CUL3: variants seen among roughly 807,000 people sequenced by gnomAD.
The protein encoded by CUL3 is cullin-3.
A neutral mutation model predicts 89.1 loss-of-function variants in CUL3; 19 were observed. That is an observed-to-expected ratio of 0.21 (90% confidence interval 0.15 to 0.31). The LOEUF is 0.31. Among genes scored for constraint, CUL3 ranks in the 10% least tolerant of loss-of-function variants. The probability of loss-of-function intolerance (pLI) is 1.00; values close to 1 mark genes in which losing one functional copy is unlikely to be tolerated. For synonymous variants in CUL3, 351 were observed against 308.4 expected (o/e 1.14, Z -1.45); for missense variants, 469 against 942.3 (o/e 0.50, Z 6.58).
chr2:224,569,414 A>G (rs1169309967), intron 1 of CUL3, among the ~76,000 whole-genome samples: 4 of 152,220 alleles, frequency 2.6e-5, no homozygotes, highest in Non-Finnish European at 4.4e-5. Context: ...AAGGAAAAAT[A>G]TAATTAAGGA....
chr2:224,555,976 C>T (rs1458841595), intron 2 of CUL3, among the ~76,000 whole-genome samples: 2 of 152,142 alleles, frequency 1.3e-5, no homozygotes, highest in Non-Finnish European at 2.9e-5. Flanking sequence ...TCTTTGCATC[C>T]ACTACATTAT....
rs375118292 is a variant in CUL3 at position 224,506,080 on chromosome 2, T to C, written c.1082A>G (p.Asn361Ser). The C allele has an allele frequency of 8.1e-6, 13 of 1,612,668 alleles. 1 individual carries two copies. Among genetic ancestry groups the C allele is most frequent in the South Asian group, 5.5e-5 (5 of 90,750 alleles). ...RFDRFLLESF[N>S]NDRLFKQTIA... ...AGTTTGTTTAAAGAGACGGTCATTG[T>C]TGAATGATTCCAGGAGGAAGCGATC... The change falls in exon 8 of 16, where the codon AAC (asparagine) becomes AGC (serine). Residue 361 changes from asparagine to serine, a missense_variant. By Grantham distance (46) the Asn-to-Ser change is conservative. Around this residue, in one of 4 missense-constraint regions of CUL3, gnomAD observed 370 missense variants for 733.2 expected, o/e 0.50. Coordinates refer to ENST00000264414, the MANE Select transcript of CUL3 (RefSeq NM_003590.5).
chr2:224,538,919 C>T (rs1339862912), intron 2 of CUL3, among the ~76,000 whole-genome samples: 1 of 152,132 alleles, frequency 6.6e-6, no homozygotes, highest in Non-Finnish European at 1.5e-5. Context: ...GTGGTCTCAG[C>T]TACTCACGAG....
intron 1 of CUL3, among the ~76,000 whole-genome samples, chr2:224,567,846 T>G (rs577393740): frequency 6.6e-6 from 1 of 151,978 alleles, no homozygotes; most frequent in Non-Finnish European, 1.5e-5. Context: ...AAAATAAACA[T>G]AGGCACACCA....
intron 1 of CUL3, among the ~76,000 whole-genome samples, chr2:224,584,251 ACC>A (rs1695513822): frequency 1.3e-5 from 2 of 151,620 alleles, no homozygotes; most frequent in African/African-American, 4.8e-5. Context: ...GAAATGGAGA[ACC>A]AATTGGCCGG....
chr2:224,477,820 C>T (rs1196077568), intron 15 of CUL3, among the ~76,000 whole-genome samples: 1 of 152,200 alleles, frequency 6.6e-6, no homozygotes, highest in Non-Finnish European at 1.5e-5. Context: ...ATCTTAATGG[C>T]TTCCTAAGGG....
intron 3 of CUL3, among the ~76,000 whole-genome samples, chr2:224,529,126 A>C (rs1693592065): frequency 6.6e-6 from 1 of 152,176 alleles, no homozygotes; most frequent in Non-Finnish European, 1.5e-5. Flanking sequence ...TTGAAAGAGA[A>C]AAATGAACCA....
At chr2:224,538,410 A>G (rs1480964438) in intron 2 of CUL3, among the ~76,000 whole-genome samples, 1 of 152,224 alleles carries the variant, frequency 6.6e-6, no homozygotes, top group East Asian at 1.9e-4. Flanking sequence ...CATTAAGTGA[A>G]AAAAGGATCT....
intron 15 of CUL3, among the ~76,000 whole-genome samples, chr2:224,477,386 T>C (rs545375230): frequency 1.3e-5 from 2 of 152,276 alleles, no homozygotes; most frequent in East Asian, 1.9e-4. Flanking sequence ...GTTCCTAAAA[T>C]AAGGGAGGGG....
Position 224,471,533 on chromosome 2 carries a change from T to TA in CUL3, c.*2711dup, listed in dbSNP as rs1574602087. ...AGTGCTTCACTATGAGAAGGATTCT[T>TA]ACAGAGAAGGCCTATCATCAGCATC... On this transcript the variant is annotated 3_prime_UTR_variant, in exon 16 of 16. Transcript: ENST00000264414. 1.5e-5 allele frequency: 3 copies of TA among 195,170 alleles called. No individual in the cohort carries two copies. The highest frequency in any genetic ancestry group is 1.6e-4 in the East Asian group (2 of 12,326). The allele number at this position is 195,170 out of a possible 1,614,324, so 12.1% of individuals were successfully genotyped here.
intron 1 of CUL3, among the ~76,000 whole-genome samples, chr2:224,583,638 T>C (rs1366982799): frequency 6.6e-6 from 1 of 152,248 alleles, no homozygotes; most frequent in African/African-American, 2.4e-5. Context: ...CGTACCTATT[T>C]ACACAAAGCA....
At chr2:224,581,508 CTTTT>C (rs1260830752) in intron 1 of CUL3, among the ~76,000 whole-genome samples, 8 of 138,856 alleles carry the variant, frequency 5.8e-5, no homozygotes, top group African/African-American at 1.8e-4. Context: ...TTTTTCTTTT[CTTTT>C]TTTTTTTTTT....
At chr2:224,583,851 G>C (rs536223800) in intron 1 of CUL3, among the ~76,000 whole-genome samples, 1 of 152,282 alleles carries the variant, frequency 6.6e-6, no homozygotes, top group East Asian at 1.9e-4. Context: ...TTTAAAAAGT[G>C]ACAACAAATC....
chr2:224,500,443 T>C lies in CUL3; in HGVS notation c.1530A>G (p.Thr510=). ...GVDLTVRVLT[T]GYWPTQSATP... is the part of the protein sequence containing the mutation. ...TGGCTGACTGAGTGGGCCAATATCC[T>C]GTCGTGAGCACCCGGACTGTAAGAT... Residue 510 remains threonine, a synonymous_variant, in exon 11 of 16, where the codon ACA becomes ACG. Transcript: ENST00000264414. 1 of 1,614,054 alleles carries C rather than the reference T, an allele frequency of 6.2e-7. No homozygotes were observed. The highest frequency in any genetic ancestry group is 8.5e-7 in the Non-Finnish European group (1 of 1,179,962).
chr2:224,571,596 T>C (rs1030630400), intron 1 of CUL3, among the ~76,000 whole-genome samples: 1 of 152,156 alleles, frequency 6.6e-6, no homozygotes, highest in Admixed American at 6.5e-5. Context: ...TGACACAAAA[T>C]TGTTACAAAA....
chr2:224,504,904 A>G (rs983397896), intron 8 of CUL3, among the ~76,000 whole-genome samples: 5 of 152,048 alleles, frequency 3.3e-5, no homozygotes, highest in African/African-American at 1.2e-4. Flanking sequence ...CAGAGATATC[A>G]TATATCACAA....
intron 3 of CUL3, among the ~76,000 whole-genome samples, chr2:224,520,726 T>C (rs972020328): frequency 7.2e-5 from 11 of 152,114 alleles, no homozygotes; most frequent in Non-Finnish European, 1.2e-4. Flanking sequence ...CTAGGGCTCT[T>C]TGCATGCCCA....
intron 6 of CUL3, among the ~76,000 whole-genome samples, chr2:224,509,691 G>A (rs1232023306): frequency 6.6e-6 from 1 of 152,224 alleles, no homozygotes; most frequent in Admixed American, 6.5e-5. Context: ...TCTCCACACA[G>A]GTTACAGAGA....
intron 8 of CUL3, 56 bp from the exon 9 acceptor site, chr2:224,503,878 C>T: frequency 1.5e-6 from 2 of 1,318,174 alleles, no homozygotes; most frequent in Non-Finnish European, 2.0e-6. Flanking sequence ...AAAAGCAGTA[C>T]TACGGTTCAT....
Sources: gnomAD v4.1 joint callset for allele counts (sites outside exome capture counted in the v4.1 genomes callset) on GRCh38, gnomAD v4.1.1 for gene constraint, gnomAD v4.1.1 regional missense constraint, MANE v1.5 for transcripts, NCBI Gene and HGNC (gene_info 2026-07-23, HGNC 2026-07-21) for gene names.